ADAM19: variants seen among roughly 807,000 people sequenced by gnomAD.
ADAM19 encodes ADAM metallopeptidase domain 19.
In ADAM19, 65 loss-of-function variants were observed where a neutral mutation model predicts 114.7. That is an observed-to-expected ratio of 0.57 (90% CI 0.46 to 0.70). The LOEUF (loss-of-function observed/expected upper bound fraction) is 0.70, where lower values mean the gene tolerates loss of function less well. Among genes scored for constraint, ADAM19 ranks in the 30% least tolerant of loss-of-function variants. The pLI is 0.00. For missense variants in ADAM19, 1,063 were observed against 1,204.7 expected (o/e 0.88, Z 1.74); for synonymous variants, 466 against 460.5 (o/e 1.01, Z -0.15).
At chr5:157,573,880 C>G (rs962551410) in intron 1 of ADAM19, among the ~76,000 whole-genome samples, 1 of 152,232 alleles carries the variant, frequency 6.6e-6, no homozygotes, top group Non-Finnish European at 1.5e-5. Flanking sequence ...CATTCTTTCT[C>G]CAATGCTTGT....
chr5:157,506,288 C>G (rs930999718), intron 10 of ADAM19, among the ~76,000 whole-genome samples: 1 of 152,204 alleles, frequency 6.6e-6, no homozygotes, highest in South Asian at 2.1e-4. Context: ...CTAAAGAAAT[C>G]AAGAGGAAAA....
At chr5:157,496,686 C>A (rs988162842) in intron 14 of ADAM19, among the ~76,000 whole-genome samples, 5 of 152,136 alleles carry the variant, frequency 3.3e-5, no homozygotes, top group African/African-American at 1.2e-4. Flanking sequence ...ATTCAATTGT[C>A]CACTCTGAGA....
chr5:157,481,923 C>A lies in ADAM19; in HGVS notation c.2571G>T (p.Pro857=), dbSNP rs758375371. 1.9e-6 allele frequency: 3 copies of A among 1,604,066 alleles called. No homozygotes were observed. Among genetic ancestry groups the A allele is most frequent in the Non-Finnish European group, 2.6e-6 (3 of 1,174,558 alleles). The stretch of plus-strand genomic sequence containing the variant: ...GGTTTGCCGGGAGTGCCTTCTGGGG[C>A]GGCCGAGGCCTGGAGAAGTCCTGGA... ...IVSQDFSRPR[P]PQKALPANPV... is the part of the protein sequence containing the mutation. Residue 857 remains proline, a synonymous_variant, in exon 22 of 23, where the codon CCG becomes CCT. Transcript: ENST00000257527.
In ADAM19 at chr5:157,509,379, T is replaced by C. The variant is rs2113725929; in HGVS notation, c.827A>G (p.Tyr276Cys). 6.2e-7 allele frequency: 1 copy of C among 1,613,808 alleles called. No individual in the cohort carries two copies. Among genetic ancestry groups the C allele is most frequent in the African/African-American group, 1.3e-5 (1 of 75,038 alleles). The change falls in exon 9 of 23, where the codon TAT becomes TGT. Residue 276 changes from tyrosine to cysteine, a missense_variant. By Grantham distance (194) the Tyr-to-Cys change is radical. Coordinates refer to ENST00000257527, the MANE Select transcript of ADAM19 (RefSeq NM_033274.5). The part of the protein sequence containing the change: ...GNMCEVSENP[Y>C]STLWSFLSWR... ...ACTGAGAAAGGACCAGAGGGTAGAA[T>C]ATGGATTCTCTGAAACTTCACACAT...
chr5:157,485,684 C>A (rs968042397), intron 21 of ADAM19, among the ~76,000 whole-genome samples: 1 of 152,220 alleles, frequency 6.6e-6, no homozygotes, highest in African/African-American at 2.4e-5. Flanking sequence ...GGCCCTCTCC[C>A]ATGACAGAGC....
rs569940826 is a variant in ADAM19 at position 157,505,784 on chromosome 5, C to T, written c.1015G>A (p.Val339Met). Residue 339 changes from valine (V) to methionine (M), a missense_variant, in exon 11 of 23, where the codon GTG (valine) becomes ATG (methionine). Physicochemically the swap from Val to Met is conservative, Grantham distance 21 (BLOSUM62 1). This residue lies in a region of ADAM19 where 615 missense variants were observed against 706.3 expected (regional missense o/e 0.87). Coordinates refer to ENST00000257527, the MANE Select transcript of ADAM19 (RefSeq NM_033274.5). ...NMDHSENAIG[V>M]AATMAHEMGH... ...ATCTCGTGGGCCATGGTGGCAGCCA[C>T]GCCAATGGCATTCTCGGAGTGGTCC... 8.1e-6 allele frequency: 13 copies of T among 1,614,092 alleles called. No individual in the cohort carries two copies. Among genetic ancestry groups the T allele is most frequent in the South Asian group, 4.4e-5 (4 of 91,062 alleles).
intron 3 of ADAM19, among the ~76,000 whole-genome samples, chr5:157,552,380 G>A (rs945755971): frequency 1.7e-4 from 25 of 145,522 alleles, no homozygotes; most frequent in Non-Finnish European, 2.8e-4. Flanking sequence ...GGCCAGGCAC[G>A]GTGGCTCATG....
At position 157,480,841 on chromosome 5, in the gene ADAM19, T is replaced by G. The variant is rs1581279776; in HGVS notation, c.*108A>C. 1 of 1,553,548 alleles carries G rather than the reference T, an allele frequency of 6.4e-7. No homozygotes were observed. The highest frequency in any genetic ancestry group is 8.7e-7 in the Non-Finnish European group (1 of 1,151,990). Reference sequence around the variant, plus strand: ...AGATGTGGAGGTTCCTGGAGGAGGGTGGGAGGAGCTCAGAGGCGGCCAGAC... The same window carrying G: ...AGATGTGGAGGTTCCTGGAGGAGGGGGGGAGGAGCTCAGAGGCGGCCAGAC... On this transcript the variant is annotated 3_prime_UTR_variant, in exon 23 of 23. Transcript: ENST00000257527.
chr5:157,551,393 G>A (rs1389432677), intron 3 of ADAM19, among the ~76,000 whole-genome samples: 18 of 116,368 alleles, frequency 1.5e-4, no homozygotes, highest in African/African-American at 5.8e-4. Context: ...AACAGAGCAT[G>A]ATTCTGTCCC....
Position 157,505,871 on chromosome 5 carries a change from C to A in ADAM19, c.991-63G>T. ...ACAGATCTGCCTCTGCCCCCCATCC[C>A]TGCCTTATCCTTAGCCAAGTCTTGC... On this transcript the variant is annotated intron_variant, in intron 10 of 22. Coordinates refer to ENST00000257527, the MANE Select transcript of ADAM19 (RefSeq NM_033274.5). The A allele has an allele frequency of 2.6e-6, 4 of 1,551,646 alleles. No individual in the cohort carries two copies. The Admixed American group carries it at 5.5e-5, about 21-fold the overall frequency.
chr5:157,526,179 C>T (rs1756450403), intron 5 of ADAM19, among the ~76,000 whole-genome samples: 1 of 151,078 alleles, frequency 6.6e-6, no homozygotes, highest in African/African-American at 2.4e-5. Flanking sequence ...TATATACACA[C>T]ACACACACAC....
chr5:157,485,365 T>C (rs1325971638), intron 21 of ADAM19, among the ~76,000 whole-genome samples: 2 of 152,226 alleles, frequency 1.3e-5, no homozygotes, highest in Non-Finnish European at 2.9e-5. Context: ...AGATGAATTA[T>C]CACAACGTGA....
intron 21 of ADAM19, among the ~76,000 whole-genome samples, chr5:157,483,712 C>A (rs1041730021): frequency 1.3e-5 from 2 of 151,500 alleles, no homozygotes; most frequent in Non-Finnish European, 2.9e-5. Flanking sequence ...CGGCTTACTG[C>A]AACCTCTGCC....
intron 4 of ADAM19, among the ~76,000 whole-genome samples, chr5:157,532,589 C>A (rs891536293): frequency 6.6e-6 from 1 of 152,178 alleles, no homozygotes; most frequent in Non-Finnish European, 1.5e-5. Context: ...ATAAAACCCA[C>A]AGGGTAGAGC....
Position 157,497,147 on chromosome 5 carries a change from T to C in ADAM19, c.1399-58A>G, listed in dbSNP as rs572140434. 53 of 1,402,044 alleles carry C rather than the reference T, an allele frequency of 3.8e-5. No individual in the cohort carries two copies. In the South Asian group the frequency reaches 7.9e-4, roughly 21 times the overall value. The allele number at this position is 1,402,044 out of a possible 1,614,324, so 86.9% of individuals were successfully genotyped here. A position where few individuals can be genotyped will look rare whatever the true frequency, so the allele number is the denominator to read the frequency against. On this transcript the variant is annotated intron_variant, in intron 13 of 22. Transcript: ENST00000257527. ...ATCTCCTCCCCACCCTCAACCCTGT[T>C]GCCCAAGGGCTCATAAGGATCACTC...
chr5:157,517,561 C>T (rs1214849074), intron 7 of ADAM19, among the ~76,000 whole-genome samples: 1 of 152,182 alleles, frequency 6.6e-6, no homozygotes, highest in African/African-American at 2.4e-5. Context: ...ATTCCCAAAA[C>T]CATGTTGAAT....
intron 13 of ADAM19, among the ~76,000 whole-genome samples, chr5:157,498,033 C>T (rs960996891): frequency 6.6e-6 from 1 of 152,232 alleles, no homozygotes; most frequent in Non-Finnish European, 1.5e-5. Context: ...ACTGGAAGAA[C>T]TTGACCCAGC....
chr5:157,535,827 C>T (rs547734861), intron 4 of ADAM19, among the ~76,000 whole-genome samples: 2 of 152,286 alleles, frequency 1.3e-5, no homozygotes, highest in African/African-American at 4.8e-5. Flanking sequence ...GGACTGAGAC[C>T]CATTCTTGAG....
intron 2 of ADAM19, among the ~76,000 whole-genome samples, chr5:157,565,054 G>T (rs979061031): frequency 3.3e-5 from 5 of 152,062 alleles, no homozygotes; most frequent in African/African-American, 9.7e-5. Flanking sequence ...CATCTCAGAG[G>T]AAGCAACTAA....
Sources: gnomAD v4.1 joint callset for allele counts (sites outside exome capture counted in the v4.1 genomes callset) on GRCh38, gnomAD v4.1.1 for gene constraint, gnomAD v4.1.1 regional missense constraint, MANE v1.5 for transcripts, NCBI Gene and HGNC (gene_info 2026-07-23, HGNC 2026-07-21) for gene names.